KIF16B: variants seen among roughly 807,000 people sequenced by gnomAD.
KIF16B encodes the protein kinesin family member 16B, also known as kinesin-like protein KIF16B.
A neutral mutation model predicts 156.3 loss-of-function variants in KIF16B; 98 were observed. The ratio of observed to expected loss-of-function variants is 0.63; its 90% CI spans 0.53 to 0.74. The LOEUF is 0.74. Among genes scored for constraint, KIF16B ranks in the 30% least tolerant of loss-of-function variants. KIF16B has a pLI of 0.00. For synonymous variants in KIF16B, 564 were observed against 583.7 expected (o/e 0.97, Z 0.49); for missense variants, 1,421 against 1,606.5 (o/e 0.88, Z 1.97).
chr20:16,514,841 G>A (rs6135778), intron 4 of KIF16B, among the ~76,000 whole-genome samples: 34,975 of 130,174 alleles, frequency 0.27, 4,832 homozygotes, highest in Middle Eastern at 0.46. Flanking sequence ...AGCTGAGATC[G>A]CACCACTGCC....
intron 1 of KIF16B, among the ~76,000 whole-genome samples, chr20:16,544,352 G>A (rs1294895035): frequency 6.6e-6 from 1 of 152,148 alleles, no homozygotes; most frequent in East Asian, 1.9e-4. Flanking sequence ...GCTCACGCCT[G>A]TAATCCCAGC....
At chr20:16,340,677 G>A (rs2064125100) in intron 23 of KIF16B, among the ~76,000 whole-genome samples, 1 of 152,182 alleles carries the variant, frequency 6.6e-6, no homozygotes, top group Admixed American at 6.5e-5. Flanking sequence ...AGCCTATGGT[G>A]TTTTCCTCTT....
chr20:16,352,945 G>A (rs181047596), intron 23 of KIF16B, among the ~76,000 whole-genome samples: 1 of 152,330 alleles, frequency 6.6e-6, no homozygotes, highest in East Asian at 1.9e-4. Flanking sequence ...GTCAGACCCT[G>A]CCCTGCTGGT....
intron 1 of KIF16B, among the ~76,000 whole-genome samples, chr20:16,541,012 CA>C (rs1306446375): frequency 6.6e-6 from 1 of 152,174 alleles, no homozygotes; most frequent in Non-Finnish European, 1.5e-5. Flanking sequence ...CCTGCACCCT[CA>C]GTACCCAGCA....
At chr20:16,370,488 C>G in intron 22 of KIF16B, 98 bp downstream of exon 22, 2 of 1,017,954 alleles carry the variant, frequency 2.0e-6, no homozygotes, top group South Asian at 3.6e-5. Flanking sequence ...GCCGGGACCT[C>G]AAAATTCTAA....
In KIF16B at chr20:16,464,692, G is replaced by T. The variant is rs1407332890; in HGVS notation, c.1302+29599C>A. Among the ~76,000 whole-genome samples the T allele has an allele frequency of 4.6e-5, 7 of 152,098 alleles. No individual in the cohort carries two copies. The East Asian group carries it at 1.3e-3, about 29-fold the overall frequency. On this transcript the variant is annotated intron_variant, in intron 12 of 25. Transcript: ENST00000354981. ...TAAGCACGGCTGCAGCTTATAACAG[G>T]CATATACTCCAAGTTCCAGACTCAG...
intron 23 of KIF16B, among the ~76,000 whole-genome samples, chr20:16,353,955 G>A (rs911507393): frequency 6.6e-6 from 1 of 152,208 alleles, no homozygotes; most frequent in African/African-American, 2.4e-5. Flanking sequence ...GAAAAAGGAA[G>A]CGGAACAATG....
chr20:16,372,217 G>GA (rs1463660514), intron 20 of KIF16B, among the ~76,000 whole-genome samples: 2 of 152,158 alleles, frequency 1.3e-5, no homozygotes, highest in South Asian at 4.2e-4. Flanking sequence ...TACCAAAAAA[G>GA]AAAAAAATAA....
chr20:16,379,300 C>G lies in KIF16B; in HGVS notation c.2702G>C (p.Arg901Thr), dbSNP rs2065030393. 1.2e-6 allele frequency: 2 copies of G among 1,612,208 alleles called. No individual in the cohort carries two copies. The highest frequency in any genetic ancestry group is 1.3e-5 in the African/African-American group (1 of 74,918). The change falls in exon 19 of 26, where the codon AGG becomes ACG. Residue 901 changes from arginine (R) to threonine (T), a missense_variant. Arg to Thr is a moderately conservative substitution (Grantham distance 71, BLOSUM62 -1). Coordinates refer to ENST00000354981, the MANE Select transcript of KIF16B (RefSeq NM_024704.5). ...TAGCTGGCGTTCTTTATATTGCAGC[C>G]TGTACTCCACTGGCTTTATTTTCTC... ...DFEKIKPVEY[R>T]LQYKERQLQY...
chr20:16,420,697 G>GGTTTGTTT (rs111800657), intron 15 of KIF16B, among the ~76,000 whole-genome samples: 2 of 151,998 alleles, frequency 1.3e-5, no homozygotes, highest in Admixed American at 1.3e-4. Flanking sequence ...TGCCTCAAAA[G>GGTTTGTTT]GTTTGTTTGT....
chr20:16,492,736 C>T (rs2068332388), intron 12 of KIF16B, among the ~76,000 whole-genome samples: 1 of 152,128 alleles, frequency 6.6e-6, no homozygotes, highest in South Asian at 2.1e-4. Flanking sequence ...GAGCTTCCAT[C>T]TTTTCACCTC....
At chr20:16,538,852 T>C (rs2147217156) in intron 1 of KIF16B, among the ~76,000 whole-genome samples, 1 of 152,244 alleles carries the variant, frequency 6.6e-6, no homozygotes, top group East Asian at 1.9e-4. Context: ...CCTGTTGGTG[T>C]TGTCCTTGCC....
chr20:16,330,224 G>C (rs1452538974), intron 24 of KIF16B, among the ~76,000 whole-genome samples: 1 of 152,062 alleles, frequency 6.6e-6, no homozygotes, highest in East Asian at 1.9e-4. Context: ...GCTTTAATTG[G>C]CTCACCACCC....
chr20:16,362,990 A>G (rs1010517954), intron 22 of KIF16B, among the ~76,000 whole-genome samples: 10 of 152,204 alleles, frequency 6.6e-5, no homozygotes, highest in Admixed American at 1.3e-4. Flanking sequence ...AGGCATTAGC[A>G]TACTACAACA....
intron 15 of KIF16B, 121 bp from the exon 16 acceptor site, chr20:16,406,577 AAGCTTT>A (rs2065792560): frequency 1.1e-6 from 1 of 892,276 alleles, no homozygotes; most frequent in African/African-American, 1.7e-5. Flanking sequence ...TAATAAGGGA[AAGCTTT>A]AGTCTCAAAA....
At chr20:16,380,480 G>A (rs1413509617) in intron 18 of KIF16B, among the ~76,000 whole-genome samples, 2 of 152,120 alleles carry the variant, frequency 1.3e-5, no homozygotes, top group African/African-American at 2.4e-5. Flanking sequence ...AAAGAACCAT[G>A]CCCAATTTAA....
rs527822793 is a variant in KIF16B, at chr20:16,548,299, G to A, written c.48-19859C>T. The stretch of plus-strand genomic sequence containing the variant: ...GATGGATTCAGAGTGCACATAGAAC[G>A]ATAAAGCTGACACAGACACACGTCA... On this transcript the variant is annotated intron_variant, in intron 1 of 25. Coordinates refer to ENST00000354981, the MANE Select transcript of KIF16B (RefSeq NM_024704.5). Among the ~76,000 whole-genome samples the A allele has an allele frequency of 3.9e-5, 6 of 152,180 alleles. No homozygotes were observed. In the East Asian group the frequency reaches 5.8e-4, roughly 15 times the overall value.
At chr20:16,304,798 A>G (rs914801667) in intron 25 of KIF16B, among the ~76,000 whole-genome samples, 2 of 152,222 alleles carry the variant, frequency 1.3e-5, no homozygotes, top group African/African-American at 4.8e-5. Flanking sequence ...CTTTGAAACC[A>G]AAAAGGCTCA....
intron 1 of KIF16B, among the ~76,000 whole-genome samples, chr20:16,550,528 C>CTT (rs745923425): frequency 0.12 from 12,117 of 103,356 alleles, 1,148 homozygotes; most frequent in African/African-American, 0.21. Flanking sequence ...ATGAAACATT[C>CTT]TTTTTTTTTT....
Sources: allele counts gnomAD v4.1 joint callset (sites outside exome capture counted in the v4.1 genomes callset), GRCh38; gene constraint gnomAD v4.1.1; transcripts MANE v1.5; gene names NCBI Gene and HGNC (gene_info 2026-07-23, HGNC 2026-07-21).